The following ASAP1 variants were observed in gnomAD, a reference collection of about 807,000 sequenced individuals.
ASAP1 encodes ArfGAP with SH3 domain, ankyrin repeat and PH domain 1, also known as arf-GAP with SH3 domain, ANK repeat and PH domain-containing protein 1.
In ASAP1, 43 loss-of-function variants were observed where a neutral mutation model predicts 145.2. The observed-to-expected ratio is 0.30, with a 90% CI of 0.23 to 0.38. The LOEUF (loss-of-function observed/expected upper bound fraction) is 0.38, where lower values mean the gene tolerates loss of function less well. ASAP1 is among the 10% of genes least tolerant of loss of function. ASAP1 has a pLI of 1.00. For missense variants in ASAP1, 1,018 were observed against 1,355.3 expected, an observed-to-expected ratio of 0.75 and a Z score of 3.91; for synonymous variants, 546 against 515.5, an observed-to-expected ratio of 1.06 and a Z score of -0.80.
At chr8:130,296,433 C>A (rs1297882340) in intron 3 of ASAP1, among the ~76,000 whole-genome samples, 2 of 152,016 alleles carry the variant, frequency 1.3e-5, no homozygotes, top group South Asian at 2.1e-4. Context: ...ATGCTTACTC[C>A]AGGGCAAAAC....
chr8:130,360,192 A>G (rs55891945), intron 2 of ASAP1, among the ~76,000 whole-genome samples: 4,294 of 152,368 alleles, frequency 0.028, 75 homozygotes, highest in Middle Eastern at 0.048. Flanking sequence ...TGGAGTAAAT[A>G]TAAAGTAAGA....
At chr8:130,116,626 A>G in intron 22 of ASAP1, 52 bp downstream of exon 22, 3 of 1,488,454 alleles carry the variant, frequency 2.0e-6, no homozygotes, top group African/African-American at 1.4e-5. Flanking sequence ...TCAGAATGAC[A>G]CTTTTAAGGC....
Position 130,112,195 on chromosome 8 carries a change from T to A in ASAP1, c.2300A>T (p.Tyr767Phe), listed in dbSNP as rs768385112. Residue 767 changes from tyrosine to phenylalanine, a missense_variant, in exon 24 of 30, where the codon TAT becomes TTT. By Grantham distance (22) the Tyr-to-Phe change is conservative. This residue lies in a region of ASAP1 where 353 missense variants were observed against 375.4 expected (regional missense o/e 0.94). Transcript: ENST00000518721. ...STPRDKQRLSYGAFTNQIFVS... is the reference protein window; with the variant it reads ...STPRDKQRLSFGAFTNQIFVS... ...GAAGATCTGGTTGGTGAAGGCTCCA[T>A]AGGAGAGCCGCTGTTTGTCCCTTGG... 1 of 1,614,044 alleles carries A rather than the reference T, an allele frequency of 6.2e-7. No homozygotes were observed. Among genetic ancestry groups the A allele is most frequent in the Non-Finnish European group, 8.5e-7 (1 of 1,180,042 alleles).
intron 5 of ASAP1, among the ~76,000 whole-genome samples, chr8:130,203,098 A>AC (rs1427171401): frequency 8.5e-5 from 13 of 152,186 alleles, no homozygotes; most frequent in Non-Finnish European, 1.6e-4. Flanking sequence ...TTAAAAAAAA[A>AC]ACACACACAA....
chr8:130,428,553 T>TACCACCATCATC (rs971288345), intron 1 of ASAP1, among the ~76,000 whole-genome samples: 4 of 110,106 alleles, frequency 3.6e-5, no homozygotes, highest in Middle Eastern at 6.8e-3. Context: ...ATCATATAAC[T>TACCACCATCATC]ACCACCATCA....
intron 3 of ASAP1, among the ~76,000 whole-genome samples, chr8:130,349,623 C>G (rs1825885577): frequency 6.6e-6 from 1 of 152,160 alleles, no homozygotes; most frequent in Admixed American, 6.6e-5. Context: ...CCTCCTCAAC[C>G]CAAGTGTTGC....
chr8:130,059,866 C>G (rs1246325801), intron 28 of ASAP1, among the ~76,000 whole-genome samples: 1 of 151,700 alleles, frequency 6.6e-6, no homozygotes, highest in Non-Finnish European at 1.5e-5. Flanking sequence ...GTGCTTGAGC[C>G]CATGAGTTCA....
At chr8:130,184,461 C>G (rs1039108204) in intron 7 of ASAP1, among the ~76,000 whole-genome samples, 3 of 152,186 alleles carry the variant, frequency 2.0e-5, no homozygotes, top group Non-Finnish European at 4.4e-5. Flanking sequence ...CCATTAGAAG[C>G]ACATTTGTTG....
intron 12 of ASAP1, among the ~76,000 whole-genome samples, chr8:130,153,337 A>ATATATATATATATATATATACG (rs2097650884): frequency 1.8e-5 from 1 of 56,906 alleles, no homozygotes; most frequent in African/African-American, 6.2e-5. Context: ...TTTTAAATAT[A>ATATATATATATATATATATACG]TATATATATA....
At chr8:130,188,739 A>AAAAAAAG (rs796079192) in intron 5 of ASAP1, among the ~76,000 whole-genome samples, 1,900 of 149,924 alleles carry the variant, frequency 0.013, 24 homozygotes, top group East Asian at 0.03. Flanking sequence ...AAAAAAAAAA[A>AAAAAAAG]AAAAAAGAAA....
At chr8:130,188,551 T>A (rs986306957) in intron 5 of ASAP1, among the ~76,000 whole-genome samples, 1 of 151,784 alleles carries the variant, frequency 6.6e-6, no homozygotes, top group African/African-American at 2.4e-5. Flanking sequence ...CTGGCCAACA[T>A]GGGGAGACAC....
chr8:130,182,923 G>GA (rs555095420), intron 7 of ASAP1, among the ~76,000 whole-genome samples: 159 of 149,868 alleles, frequency 1.1e-3, no homozygotes, highest in Non-Finnish European at 1.9e-3. Flanking sequence ...AAACAGTGGG[G>GA]AAAAAACACT....
chr8:130,438,617 G>A (rs1485839271), intron 1 of ASAP1, among the ~76,000 whole-genome samples: 1 of 152,186 alleles, frequency 6.6e-6, no homozygotes, highest in Non-Finnish European at 1.5e-5. Context: ...TAGAGGGTTT[G>A]CATGGGTTGG....
At position 130,116,741 on chromosome 8, in the gene ASAP1, G is replaced by A; in HGVS notation, c.2001C>T (p.Asn667=). The A allele has an allele frequency of 6.2e-7, 1 of 1,613,992 alleles. No individual in the cohort carries two copies. Among genetic ancestry groups the A allele is most frequent in the Non-Finnish European group, 8.5e-7 (1 of 1,179,934 alleles). The change falls in exon 22 of 30, where the codon AAC becomes AAT. Residue 667 remains asparagine, a synonymous_variant. Coordinates refer to ENST00000518721, the MANE Select transcript of ASAP1 (RefSeq NM_018482.4). ...TGTCTAGGGCAGTTTCTCCAGCCTG[G>A]TTAACTGAAATAGGAAAAAAATTAA... is the stretch of plus-strand genomic sequence containing the variant. ...LRSKPTVDIV[N]QAGETALDIA...
At chr8:130,108,611 C>T (rs1380856159) in intron 24 of ASAP1, among the ~76,000 whole-genome samples, 1 of 151,910 alleles carries the variant, frequency 6.6e-6, no homozygotes, top group Non-Finnish European at 1.5e-5. Context: ...CCAGCCTGGC[C>T]AATGTGGTGA....
intron 1 of ASAP1, among the ~76,000 whole-genome samples, chr8:130,408,030 T>C (rs1448281909): frequency 1.3e-5 from 2 of 152,236 alleles, no homozygotes; most frequent in South Asian, 2.1e-4. Context: ...ATTTTTGTGA[T>C]ACGATTCCTC....
At chr8:130,436,376 C>T (rs551009875) in intron 1 of ASAP1, among the ~76,000 whole-genome samples, 1 of 152,254 alleles carries the variant, frequency 6.6e-6, no homozygotes, top group Admixed American at 6.5e-5. Context: ...TTCACTGCAG[C>T]CTCGACCTCC....
At chr8:130,137,934 G>C (rs1265109714) in intron 13 of ASAP1, among the ~76,000 whole-genome samples, 1 of 152,204 alleles carries the variant, frequency 6.6e-6, no homozygotes, top group Non-Finnish European at 1.5e-5. Flanking sequence ...ATGTTTGAGT[G>C]CCCAGGCTGG....
intron 3 of ASAP1, among the ~76,000 whole-genome samples, chr8:130,247,536 C>A (rs1468499055): frequency 3.5e-5 from 5 of 144,290 alleles, no homozygotes; most frequent in East Asian, 2.0e-4. Flanking sequence ...TAAAAAAAAA[C>A]AACAACAAGG....
Sources: allele counts gnomAD v4.1 joint callset (sites outside exome capture counted in the v4.1 genomes callset), GRCh38; gene constraint gnomAD v4.1.1; regional missense constraint gnomAD v4.1.1; transcripts MANE v1.5; gene names NCBI Gene and HGNC (gene_info 2026-07-23, HGNC 2026-07-21).